The following PIGF variants were observed in gnomAD, a reference collection of about 807,000 sequenced individuals.
PIGF encodes the protein phosphatidylinositol glycan anchor biosynthesis class F.
In PIGF, 23 loss-of-function variants were observed where a neutral mutation model predicts 26.0. The ratio of observed to expected loss-of-function variants is 0.88; its 90% CI spans 0.64 to 1.25. The LOEUF (loss-of-function observed/expected upper bound fraction) is 1.25. PIGF is among the 50% of genes most tolerant of loss of function. PIGF has a pLI of 0.00. For synonymous variants in PIGF, 93 were observed against 92.6 expected, an observed-to-expected ratio of 1.00 and a Z score of -0.03; for missense variants, 278 against 249.9, an observed-to-expected ratio of 1.11 and a Z score of -0.76.
chr2:46,585,546 C>T (rs562745431), intron 5 of PIGF, among the ~76,000 whole-genome samples: 1 of 152,294 alleles, frequency 6.6e-6, no homozygotes, highest in East Asian at 1.9e-4. Flanking sequence ...AAATGCAGGG[C>T]TGAAGTAATC....
chr2:46,590,603 G>T lies in PIGF; in HGVS notation c.546+1872C>A, dbSNP rs1373644940. On this transcript the variant is annotated intron_variant, in intron 5 of 5. Transcript: ENST00000281382. Reference sequence around the variant, plus strand: ...TTTATTTATCAATACTTTCTATTTAGATTTAATTGCATTACTTGATAGCAA... The same window carrying T: ...TTTATTTATCAATACTTTCTATTTATATTTAATTGCATTACTTGATAGCAA... Among the ~76,000 whole-genome samples the T allele has an allele frequency of 2.6e-5, 4 of 152,090 alleles. No individual in the cohort carries two copies. The South Asian group carries it at 6.2e-4, about 24-fold the overall frequency.
At chr2:46,600,758 G>C (rs929101952) in intron 4 of PIGF, among the ~76,000 whole-genome samples, 1 of 151,986 alleles carries the variant, frequency 6.6e-6, no homozygotes, top group African/African-American at 2.4e-5. Flanking sequence ...ACCAATATAA[G>C]CTGAAGTTTT....
intron 1 of PIGF, chr2:46,616,121 T>C (rs1200309458): frequency 6.6e-6 from 1 of 152,110 alleles, no homozygotes; most frequent in Non-Finnish European, 1.5e-5. Flanking sequence ...GGCCTTATCC[T>C]AATAGCTCTC....
Position 46,581,274 on chromosome 2 carries a change from T to A in PIGF, c.*204A>T. On this transcript the variant is annotated 3_prime_UTR_variant, in exon 6 of 6. Transcript: ENST00000281382. ...GGTTTAAGAAGCAGTAAGCAGCATC[T>A]GAAGCCACAATCTATTATAAATACT... 2 of 972,690 alleles carry A rather than the reference T, an allele frequency of 2.1e-6. No individual in the cohort carries two copies. Among genetic ancestry groups the A allele is most frequent in the Non-Finnish European group, 3.0e-6 (2 of 668,594 alleles). 60.3% of individuals were successfully genotyped at this position (972,690 alleles called of 1,614,324 possible). A position where few individuals can be genotyped will look rare whatever the true frequency, so the allele number is the denominator to read the frequency against.
At chr2:46,598,903 G>A (rs1669971860) in intron 4 of PIGF, among the ~76,000 whole-genome samples, 1 of 152,182 alleles carries the variant, frequency 6.6e-6, no homozygotes, top group Non-Finnish European at 1.5e-5. Context: ...CTGACTGGAT[G>A]CTTATAATTC....
chr2:46,596,153 G>A (rs1360118655), intron 4 of PIGF, among the ~76,000 whole-genome samples: 1 of 150,806 alleles, frequency 6.6e-6, no homozygotes, highest in Admixed American at 6.6e-5. Context: ...GGCGGAGGTT[G>A]TCGTGAGCCG....
chr2:46,609,873 T>C (rs897406001), intron 4 of PIGF, among the ~76,000 whole-genome samples: 27 of 152,104 alleles, frequency 1.8e-4, no homozygotes, highest in Admixed American at 1.8e-3. Context: ...GATATAATAA[T>C]AATGAAAAAG....
At chr2:46,584,641 G>A (rs1172575217) in intron 5 of PIGF, among the ~76,000 whole-genome samples, 1 of 152,142 alleles carries the variant, frequency 6.6e-6, no homozygotes, top group African/African-American at 2.4e-5. Flanking sequence ...ATCAAGAAGT[G>A]CATGCCATCA....
chr2:46,594,912 G>A (rs1461324878), intron 4 of PIGF, among the ~76,000 whole-genome samples: 1 of 151,386 alleles, frequency 6.6e-6, no homozygotes, highest in Admixed American at 6.6e-5. Context: ...ATGCAATGGC[G>A]CAACCTGGGC....
Position 46,600,265 on chromosome 2 carries a change from T to C in PIGF, c.438-7682A>G, listed in dbSNP as rs192034499. On this transcript the variant is annotated intron_variant, in intron 4 of 5. Coordinates refer to ENST00000281382, the MANE Select transcript of PIGF (RefSeq NM_002643.4). Reference sequence around the variant, plus strand: ...AACCTACACTCTATTGGTAGGAATATGTATGGGGGTATATACATATTCTTC... The same window carrying C: ...AACCTACACTCTATTGGTAGGAATACGTATGGGGGTATATACATATTCTTC... Among the ~76,000 whole-genome samples, 275 of 152,302 alleles carry C rather than the reference T, an allele frequency of 1.8e-3. 2 individuals carry two copies. The highest frequency in any genetic ancestry group is 5.5e-3 in the African/African-American group (229 of 41,562).
At chr2:46,591,024 T>C (rs1299633618) in intron 5 of PIGF, among the ~76,000 whole-genome samples, 4 of 152,164 alleles carry the variant, frequency 2.6e-5, no homozygotes, top group Non-Finnish European at 5.9e-5. Context: ...GTATCAAAGA[T>C]TTAATTCATC....
chr2:46,585,078 A>AT (rs1377647942), intron 5 of PIGF, among the ~76,000 whole-genome samples: 1 of 152,152 alleles, frequency 6.6e-6, no homozygotes, highest in Non-Finnish European at 1.5e-5. Flanking sequence ...CACAAATAGG[A>AT]TTTTTTAAAA....
intron 4 of PIGF, among the ~76,000 whole-genome samples, chr2:46,601,922 A>C (rs1670071638): frequency 6.6e-6 from 1 of 152,042 alleles, no homozygotes; most frequent in South Asian, 2.1e-4. Context: ...CTTCTAACTT[A>C]AACATTCAAA....
In PIGF at chr2:46,589,476, A is replaced by G. The variant is rs1415847755; in HGVS notation, c.546+2999T>C. 6.6e-6 allele frequency among the ~76,000 whole-genome samples: 1 copy of G among 151,938 alleles called. No homozygotes were observed. Among genetic ancestry groups the G allele is most frequent in the African/African-American group, 2.4e-5 (1 of 41,412 alleles). On this transcript the variant is annotated intron_variant, in intron 5 of 5. Coordinates refer to ENST00000281382, the MANE Select transcript of PIGF (RefSeq NM_002643.4). The surrounding 1 kb of genome is among the most constrained non-coding windows in gnomAD (Gnocchi z 4.7). ...TAAAGAAAACTGAATTAAAACATGT[A>G]GTAGATTTTGTGGGGTTTTGTGTGT...
chr2:46,612,346 TA>T lies in PIGF; in HGVS notation c.321-3del. 8.8e-7 allele frequency: 1 copy of T among 1,135,156 alleles called. No homozygotes were observed. Among genetic ancestry groups the T allele is most frequent in the South Asian group, 1.6e-5 (1 of 63,132 alleles). The allele number at this position is 1,135,156 out of a possible 1,614,324, so 70.3% of individuals were successfully genotyped here. On this transcript the variant is annotated splice_polypyrimidine_tract_variant and splice_region_variant and intron_variant, in intron 3 of 5. Transcript: ENST00000281382. The stretch of plus-strand genomic sequence containing the variant: ...AATAAAAATGTTTCCAATGCCAACC[TA>T]GAAAAAAAAAAAGATTACTTTTTAA...
Position 46,581,415 on chromosome 2 carries a change from C to T in PIGF, c.*63G>A. On this transcript the variant is annotated 3_prime_UTR_variant, in exon 6 of 6. Transcript: ENST00000281382. ...TGTAAATGGAACTGCTTGGCTTTGA[C>T]CATACACATTTCTGCCCAGCCCTTA... 6.4e-7 allele frequency: 1 copy of T among 1,571,116 alleles called. No individual in the cohort carries two copies. Among genetic ancestry groups the T allele is most frequent in the Non-Finnish European group, 8.6e-7 (1 of 1,157,842 alleles).
intron 4 of PIGF, among the ~76,000 whole-genome samples, chr2:46,603,325 A>G (rs555717848): frequency 1.2e-4 from 18 of 152,098 alleles, no homozygotes; most frequent in Non-Finnish European, 2.1e-4. Context: ...CTATCAAAAT[A>G]CCAACACTAT....
intron 4 of PIGF, among the ~76,000 whole-genome samples, chr2:46,598,997 C>A (rs545625842): frequency 6.6e-6 from 1 of 152,272 alleles, no homozygotes; most frequent in Admixed American, 6.5e-5. Flanking sequence ...ACCATTTTCC[C>A]TCGAAAGAAA....
Position 46,592,496 on chromosome 2 carries a change from C to A in PIGF, c.525G>T (p.Leu175=). The change falls in exon 5 of 6, where the codon CTG becomes CTT. Residue 175 remains leucine, a synonymous_variant. Coordinates refer to ENST00000281382, the MANE Select transcript of PIGF (RefSeq NM_002643.4). The stretch of plus-strand genomic sequence containing the variant: ...CAACCTGCCATGGTCTTTCCCAATC[C>A]AGTGGAATAGGAAGTGCTCCAAGCC... ...GAWLGALPIP[L]DWERPWQVWP... 4.4e-6 allele frequency: 7 copies of A among 1,599,024 alleles called. No homozygotes were observed. The highest frequency in any genetic ancestry group is 6.0e-6 in the Non-Finnish European group (7 of 1,166,190).
Sources: allele counts gnomAD v4.1 joint callset (sites outside exome capture counted in the v4.1 genomes callset), GRCh38; gene constraint gnomAD v4.1.1; non-coding constraint Gnocchi (gnomAD v3.1); transcripts MANE v1.5; gene names NCBI Gene and HGNC (gene_info 2026-07-23, HGNC 2026-07-21).